Variants in HIP1 observed in about 807,000 individuals in gnomAD.
HIP1 encodes huntingtin interacting protein 1.
Under a neutral mutation model 147.6 loss-of-function variants are expected in HIP1, and 65 were observed. The observed-to-expected ratio is 0.44, with a 90% CI of 0.36 to 0.54. The LOEUF is 0.54. Ranked by LOEUF, HIP1 falls within the 20% of genes least tolerant of loss-of-function variation. The pLI is 0.00. For missense variants in HIP1, 1,061 were observed against 1,299.6 expected (o/e 0.82, Z 2.82); for synonymous variants, 479 against 504.0 (o/e 0.95, Z 0.67).
At chr7:75,669,375 A>AAAACC (rs1554515014) in intron 1 of HIP1, among the ~76,000 whole-genome samples, 2 of 151,796 alleles carry the variant, frequency 1.3e-5, no homozygotes, top group African/African-American at 2.4e-5. Context: ...TCCATCTCAA[A>AAAACC]AAAACAAAAC....
chr7:75,613,218 G>A (rs782295601), intron 1 of HIP1, among the ~76,000 whole-genome samples: 3 of 152,162 alleles, frequency 2.0e-5, no homozygotes, highest in Non-Finnish European at 4.4e-5. Flanking sequence ...CCTACCACCT[G>A]AGTGAGGATG....
At chr7:75,607,226 T>A (rs1485115609) in intron 1 of HIP1, among the ~76,000 whole-genome samples, 6 of 139,014 alleles carry the variant, frequency 4.3e-5, no homozygotes, top group African/African-American at 1.9e-4. Context: ...GAGTTGTTTT[T>A]TGTTTTGTTT....
chr7:75,736,857 T>C lies in HIP1; in HGVS notation c.120+1944A>G, dbSNP rs370969437. 9.9e-5 allele frequency among the ~76,000 whole-genome samples: 15 copies of C among 151,966 alleles called. 1 individual carries two copies. The East Asian group carries it at 2.1e-3, about 22-fold the overall frequency. On this transcript the variant is annotated intron_variant, in intron 1 of 30. Transcript: ENST00000336926. ...TTTCTTTTTTTCTTTTTCTTTTTTTTTTTTGTAGAGACAGGGTCCCACTGC... is the reference window on the plus strand; with the variant it reads ...TTTCTTTTTTTCTTTTTCTTTTTTTCTTTTGTAGAGACAGGGTCCCACTGC...
intron 1 of HIP1, among the ~76,000 whole-genome samples, chr7:75,680,713 G>A (rs113174112): frequency 5.3e-5 from 8 of 150,736 alleles, no homozygotes; most frequent in Non-Finnish European, 7.4e-5. Flanking sequence ...GGGTTCAAGC[G>A]ATTCTCCTGC....
chr7:75,719,032 A>G (rs1554520856), intron 1 of HIP1, among the ~76,000 whole-genome samples: 1 of 151,974 alleles, frequency 6.6e-6, no homozygotes. Flanking sequence ...CAACACTTAG[A>G]GCTGGCCTCA....
chr7:75,663,707 A>G (rs1799386562), intron 1 of HIP1, among the ~76,000 whole-genome samples: 1 of 151,158 alleles, frequency 6.6e-6, no homozygotes, highest in Non-Finnish European at 1.5e-5. Context: ...AGATGAGAGA[A>G]CAGAGCCGCC....
intron 1 of HIP1, among the ~76,000 whole-genome samples, chr7:75,711,691 G>T (rs1801169991): frequency 6.6e-6 from 1 of 152,184 alleles, no homozygotes; most frequent in Non-Finnish European, 1.5e-5. Flanking sequence ...AAGCCGTCTG[G>T]CTCCAGGGAA....
intron 19 of HIP1, among the ~76,000 whole-genome samples, chr7:75,555,133 G>A (rs961015449): frequency 7.4e-6 from 1 of 135,976 alleles, no homozygotes; most frequent in Non-Finnish European, 1.5e-5. Flanking sequence ...GTTGCAGTGA[G>A]CCACGGCACT....
intron 1 of HIP1, among the ~76,000 whole-genome samples, chr7:75,728,404 C>A (rs1052683527): frequency 1.3e-5 from 2 of 152,192 alleles, no homozygotes; most frequent in African/African-American, 2.4e-5. Flanking sequence ...GTGGGGCTGA[C>A]AAGTTCTCTT....
At chr7:75,542,765 T>A (rs1794384515) in intron 28 of HIP1, 86 bp downstream of exon 28, 1 of 1,241,592 alleles carries the variant, frequency 8.1e-7, no homozygotes. Context: ...GACACAGTCC[T>A]GTGGGATTTG....
At chr7:75,540,347 T>C (rs1419846959) in intron 29 of HIP1, among the ~76,000 whole-genome samples, 11 of 151,354 alleles carry the variant, frequency 7.3e-5, no homozygotes, top group African/African-American at 2.4e-4. Flanking sequence ...GAGAATCGCT[T>C]GAACCTGGAA....
chr7:75,611,982 G>T, intron 1 of HIP1: 2 of 599,756 alleles, frequency 3.3e-6, no homozygotes, highest in Non-Finnish European at 4.3e-6. Flanking sequence ...TGTGTGGGGA[G>T]CTGGGCCTGG....
At chr7:75,611,894 C>A in intron 1 of HIP1, 1 of 1,009,584 alleles carries the variant, frequency 9.9e-7, no homozygotes, top group Non-Finnish European at 1.2e-6. Flanking sequence ...CTTCCTCCCT[C>A]CCCAGCACTC....
At chr7:75,664,176 A>G (rs1461870197) in intron 1 of HIP1, among the ~76,000 whole-genome samples, 1 of 140,746 alleles carries the variant, frequency 7.1e-6, no homozygotes, top group Admixed American at 7.0e-5. Context: ...ACATACATAT[A>G]TGTACATACA....
At position 75,666,900 on chromosome 7, in the gene HIP1, C is replaced by T. The variant is rs561431804; in HGVS notation, c.121-67653G>A. ...TTCACCGTTATGCGACGCTCCATTTCACAAAATCATACTAAGCAAAAAAGC... is the reference window on the plus strand; with the variant it reads ...TTCACCGTTATGCGACGCTCCATTTTACAAAATCATACTAAGCAAAAAAGC... On this transcript the variant is annotated intron_variant, in intron 1 of 30. Coordinates refer to ENST00000336926, the MANE Select transcript of HIP1 (RefSeq NM_005338.7). 5.3e-5 allele frequency among the ~76,000 whole-genome samples: 8 copies of T among 152,232 alleles called. No homozygotes were observed. In the South Asian group the frequency reaches 1.7e-3, roughly 32 times the overall value.
chr7:75,725,177 C>T (rs1801614824), intron 1 of HIP1, among the ~76,000 whole-genome samples: 1 of 152,056 alleles, frequency 6.6e-6, no homozygotes, highest in Admixed American at 6.6e-5. Context: ...GCATGCACCA[C>T]CACACCTGGC....
chr7:75,660,051 G>GA (rs1563275464), intron 1 of HIP1, among the ~76,000 whole-genome samples: 11 of 150,542 alleles, frequency 7.3e-5, no homozygotes, highest in African/African-American at 2.7e-4. Context: ...GCGTGAACCG[G>GA]AGAAGCGGAG....
At chr7:75,717,878 T>G (rs1054540606) in intron 1 of HIP1, among the ~76,000 whole-genome samples, 1 of 150,546 alleles carries the variant, frequency 6.6e-6, no homozygotes, top group Non-Finnish European at 1.5e-5. Context: ...GGCTGAGGCA[T>G]GAGAATTGCT....
chr7:75,672,537 A>C (rs1799757639), intron 1 of HIP1, among the ~76,000 whole-genome samples: 1 of 152,122 alleles, frequency 6.6e-6, no homozygotes, highest in African/African-American at 2.4e-5. Context: ...CAAGTTCCCC[A>C]GGCTGGTCTC....
Sources: gnomAD v4.1 joint callset for allele counts (sites outside exome capture counted in the v4.1 genomes callset) on GRCh38, gnomAD v4.1.1 for gene constraint, MANE v1.5 for transcripts, NCBI Gene and HGNC (gene_info 2026-07-23, HGNC 2026-07-21) for gene names.